The following KDM5B variants were observed in gnomAD, a reference collection of about 807,000 sequenced individuals.
KDM5B encodes the protein lysine demethylase 5B, also known as lysine-specific demethylase 5B.
Under a neutral mutation model 193.4 loss-of-function variants are expected in KDM5B, and 144 were observed. That is an observed-to-expected ratio of 0.74 (90% CI 0.65 to 0.86). KDM5B has a LOEUF of 0.86. Ranked by LOEUF, KDM5B falls within the 40% of genes least tolerant of loss-of-function variation. KDM5B has a pLI of 0.00. For synonymous variants in KDM5B, 668 were observed against 682.6 expected, an observed-to-expected ratio of 0.98 and a Z score of 0.33; for missense variants, 1,833 against 1,886.9, an observed-to-expected ratio of 0.97 and a Z score of 0.53.
chr1:202,763,245 G>A (rs1431788455), intron 6 of KDM5B, among the ~76,000 whole-genome samples: 1 of 152,154 alleles, frequency 6.6e-6, no homozygotes, highest in East Asian at 1.9e-4. Flanking sequence ...TCCTGGTTCT[G>A]AAGACTGAGA....
chr1:202,736,415 A>C (rs762077772), intron 20 of KDM5B, 23 bp from the exon 21 acceptor site: 2 of 1,511,274 alleles, frequency 1.3e-6, no homozygotes. Flanking sequence ...GAAAAATTAC[A>C]GCAGTTTAGA....
intron 1 of KDM5B, among the ~76,000 whole-genome samples, chr1:202,792,749 A>C (rs1208530003): frequency 2.0e-5 from 3 of 152,184 alleles, no homozygotes; most frequent in Non-Finnish European, 4.4e-5. Context: ...TAATCCCAGC[A>C]CTTTGGGAGG....
chr1:202,788,030 C>T (rs1256531523), intron 1 of KDM5B, among the ~76,000 whole-genome samples: 1 of 152,172 alleles, frequency 6.6e-6, no homozygotes, highest in Non-Finnish European at 1.5e-5. Flanking sequence ...GAAGTAACTG[C>T]CCTATTGAAC....
rs1391880931 is a variant in KDM5B, at chr1:202,727,268, T to C, written c.*1768A>G. The C allele has an allele frequency of 6.6e-6, 1 of 152,218 alleles. No individual in the cohort carries two copies. Among genetic ancestry groups the C allele is most frequent in the Non-Finnish European group, 1.5e-5 (1 of 68,054 alleles). 9.4% of individuals were successfully genotyped at this position (152,218 alleles called of 1,614,324 possible). ...GGGGTGATGGAGGGGATTCTAAGAA[T>C]TTGAATACTAACAAGGCCAAACCAC... is the stretch of plus-strand genomic sequence containing the variant. On this transcript the variant is annotated 3_prime_UTR_variant, in exon 27 of 27. Transcript: ENST00000367265.
chr1:202,743,700 A>G (rs1320219241), intron 16 of KDM5B, among the ~76,000 whole-genome samples: 1 of 152,230 alleles, frequency 6.6e-6, no homozygotes, highest in Non-Finnish European at 1.5e-5. Context: ...CACACCTACA[A>G]CTATCTGATC....
At chr1:202,734,982 T>C (rs1342584891) in intron 22 of KDM5B, among the ~76,000 whole-genome samples, 4 of 152,264 alleles carry the variant, frequency 2.6e-5, no homozygotes, top group African/African-American at 9.6e-5. Flanking sequence ...TCATCTTCTT[T>C]AAACTATCAT....
intron 14 of KDM5B, among the ~76,000 whole-genome samples, chr1:202,747,707 A>C (rs1362562552): frequency 6.6e-6 from 1 of 152,160 alleles, no homozygotes; most frequent in Non-Finnish European, 1.5e-5. Flanking sequence ...TTGTCTCTCT[A>C]AATACTAGCA....
Position 202,736,353 on chromosome 1 carries a change from G to T in KDM5B, c.3124C>A (p.Leu1042Ile), listed in dbSNP as rs370117280. ...RVPVLDTLIE[L>I]VTRGRSIPVH... ...GGGATAGATCGGCCTCGTGTAACAA[G>T]TTCTATGAGTGTGTCTAACACTGGC... Residue 1042 changes from leucine (L) to isoleucine (I), a missense_variant, in exon 21 of 27, where the codon CTT (leucine) becomes ATT (isoleucine). Leu to Ile is a conservative substitution (Grantham distance 5). Around this residue, in one of 3 missense-constraint regions of KDM5B, gnomAD observed 1,379 missense variants for 1,349.6 expected, o/e 1.02. Coordinates refer to ENST00000367265, the MANE Select transcript of KDM5B (RefSeq NM_006618.5). 6.7e-5 allele frequency: 107 copies of T among 1,608,756 alleles called. No homozygotes were observed. Among genetic ancestry groups the T allele is most frequent in the Non-Finnish European group, 8.7e-5 (102 of 1,177,602 alleles).
rs768195165 is a variant in KDM5B, at chr1:202,731,092, A to G, written c.4022-29T>C. On this transcript the variant is annotated intron_variant, in intron 24 of 26. Coordinates refer to ENST00000367265, the MANE Select transcript of KDM5B (RefSeq NM_006618.5). Reference sequence around the variant, plus strand: ...TAAAAGACCAGACCAAATCAAAATGATAACAACAAAGGGTGTTTCACATTC... The same window carrying G: ...TAAAAGACCAGACCAAATCAAAATGGTAACAACAAAGGGTGTTTCACATTC... 14 of 1,560,784 alleles carry G rather than the reference A, an allele frequency of 9.0e-6. No homozygotes were observed. In the African/African-American group the frequency reaches 1.1e-4, roughly 12 times the overall value.
At chr1:202,763,622 G>A (rs1656336056) in intron 6 of KDM5B, among the ~76,000 whole-genome samples, 1 of 152,176 alleles carries the variant, frequency 6.6e-6, no homozygotes, top group Non-Finnish European at 1.5e-5. Context: ...CTTACATCAA[G>A]TGATACCCAG....
intron 1 of KDM5B, among the ~76,000 whole-genome samples, chr1:202,804,143 A>T (rs1658191240): frequency 6.6e-6 from 1 of 152,220 alleles, no homozygotes; most frequent in Non-Finnish European, 1.5e-5. Flanking sequence ...GAGGGAGATG[A>T]AAATGTTCTA....
At chr1:202,786,771 G>A (rs527759284) in intron 1 of KDM5B, among the ~76,000 whole-genome samples, 7 of 152,292 alleles carry the variant, frequency 4.6e-5, no homozygotes, top group African/African-American at 1.4e-4. Context: ...TATTGGCCGG[G>A]CGTGGTGGCT....
intron 11 of KDM5B, among the ~76,000 whole-genome samples, 169 bp from the exon 12 acceptor site, chr1:202,753,236 G>A (rs979438314): frequency 1.3e-5 from 2 of 152,212 alleles, no homozygotes; most frequent in African/African-American, 4.8e-5. Flanking sequence ...TGTGGCTCAC[G>A]TCTGTAATCC....
At chr1:202,757,790 T>C (rs1360314472) in intron 9 of KDM5B, among the ~76,000 whole-genome samples, 1 of 152,068 alleles carries the variant, frequency 6.6e-6, no homozygotes, top group Non-Finnish European at 1.5e-5. Flanking sequence ...CCCAAGAAAA[T>C]CATCCAATTA....
At chr1:202,743,336 C>CAAAA (rs56202317) in intron 16 of KDM5B, among the ~76,000 whole-genome samples, 24 of 79,432 alleles carry the variant, frequency 3.0e-4, no homozygotes, top group African/African-American at 1.3e-3. Context: ...GACCTTGTCT[C>CAAAA]AAAAAAAAAA....
rs1656796649 is a variant in KDM5B, at chr1:202,773,255, A to G, written c.439T>C (p.Cys147Arg). ...ATTTTGGTCCATTTTCTATCCTTGC[A>G]AACAACTGCAAATCCACCTTCTTCT... is the stretch of plus-strand genomic sequence containing the variant. ...VAEEGGFAVVCKDRKWTKIAT... is the reference protein window; with the variant it reads ...VAEEGGFAVVRKDRKWTKIAT... The change falls in exon 4 of 27, where the codon TGC (cysteine) becomes CGC (arginine). Residue 147 changes from cysteine to arginine, a missense_variant. Physicochemically the swap from Cys to Arg is radical, Grantham distance 180 (BLOSUM62 -3). Transcript: ENST00000367265. 1.2e-6 allele frequency: 2 copies of G among 1,614,138 alleles called. No individual in the cohort carries two copies. Among genetic ancestry groups the G allele is most frequent in the Non-Finnish European group, 1.7e-6 (2 of 1,180,006 alleles).
chr1:202,801,739 A>C (rs1474442760), intron 1 of KDM5B, among the ~76,000 whole-genome samples: 1 of 152,202 alleles, frequency 6.6e-6, no homozygotes, highest in Non-Finnish European at 1.5e-5. Flanking sequence ...TACCATTCTT[A>C]TGTCTAAAAC....
At chr1:202,752,537 T>C (rs1208716765) in intron 12 of KDM5B, among the ~76,000 whole-genome samples, 1 of 152,230 alleles carries the variant, frequency 6.6e-6, no homozygotes, top group Non-Finnish European at 1.5e-5. Context: ...CATGACTGTA[T>C]AGTTGTCACT....
At chr1:202,778,112 T>C (rs1429639625) in intron 1 of KDM5B, among the ~76,000 whole-genome samples, 1 of 151,534 alleles carries the variant, frequency 6.6e-6, no homozygotes, top group Non-Finnish European at 1.5e-5. Context: ...GAGGCAGAGG[T>C]TGCAGTGAGC....
Sources: gnomAD v4.1 joint callset for allele counts (sites outside exome capture counted in the v4.1 genomes callset) on GRCh38, gnomAD v4.1.1 for gene constraint, gnomAD v4.1.1 regional missense constraint, MANE v1.5 for transcripts, NCBI Gene and HGNC (gene_info 2026-07-23, HGNC 2026-07-21) for gene names.